The following LAMA2 variants were observed in gnomAD, a reference collection of about 807,000 sequenced individuals.
LAMA2 encodes laminin subunit alpha-2.
LAMA2 carries 269 observed loss-of-function variants against 364.8 expected under a neutral mutation model. The ratio of observed to expected loss-of-function variants is 0.74; its 90% CI spans 0.67 to 0.82. The LOEUF is 0.82. Ranked by LOEUF, LAMA2 falls within the 40% of genes least tolerant of loss-of-function variation. The probability of loss-of-function intolerance (pLI) is 0.00; values close to 1 mark genes in which losing one functional copy is unlikely to be tolerated. For synonymous variants in LAMA2, 1,379 were observed against 1,370.6 expected, an observed-to-expected ratio of 1.01 and a Z score of -0.14; for missense variants, 3,807 against 3,873.2, an observed-to-expected ratio of 0.98 and a Z score of 0.45.
chr6:128,960,753 C>A (rs2114592378), intron 1 of LAMA2, among the ~76,000 whole-genome samples: 1 of 152,240 alleles, frequency 6.6e-6, no homozygotes, highest in East Asian at 1.9e-4. Flanking sequence ...TTAAATATTA[C>A]CATAATTTAA....
At chr6:129,498,623 C>A (rs902297540) in intron 58 of LAMA2, among the ~76,000 whole-genome samples, 2 of 152,084 alleles carry the variant, frequency 1.3e-5, no homozygotes, top group African/African-American at 4.8e-5. Flanking sequence ...TAAAGAAAAT[C>A]ATGACAAATA....
chr6:128,945,116 A>G (rs1349796771), intron 1 of LAMA2, among the ~76,000 whole-genome samples: 3 of 152,234 alleles, frequency 2.0e-5, no homozygotes, highest in Non-Finnish European at 4.4e-5. Context: ...CGTAGACAAG[A>G]TATACCAGTT....
At chr6:129,066,848 T>C (rs957541149) in intron 3 of LAMA2, among the ~76,000 whole-genome samples, 5 of 152,154 alleles carry the variant, frequency 3.3e-5, no homozygotes, top group Non-Finnish European at 7.4e-5. Flanking sequence ...CAGTGAAGGG[T>C]GTTTGGAGCA....
At chr6:129,063,185 T>G (rs939596024) in intron 3 of LAMA2, among the ~76,000 whole-genome samples, 7 of 152,086 alleles carry the variant, frequency 4.6e-5, no homozygotes, top group Admixed American at 2.0e-4. Context: ...ATATAGCAAC[T>G]AAATTCCATC....
rs188122744 is a variant in LAMA2 at position 129,172,970 on chromosome 6, A to G, written c.1307-4736A>G. ...TCCGTCACCCCTTTCTGTGACTCGGAAAGGGAACTCCCTGACCCCTTGCGC... is the reference window on the plus strand; with the variant it reads ...TCCGTCACCCCTTTCTGTGACTCGGGAAGGGAACTCCCTGACCCCTTGCGC... On this transcript the variant is annotated intron_variant, in intron 9 of 64. Transcript: ENST00000421865. Among the ~76,000 whole-genome samples the G allele has an allele frequency of 6.4e-3, 982 of 152,338 alleles. 31 individuals are homozygous for G. Among genetic ancestry groups the G allele is most frequent in the East Asian group, 0.032 (165 of 5,174 alleles).
Position 129,061,049 on chromosome 6 carries a change from C to T in LAMA2, c.396+1153C>T, listed in dbSNP as rs528434252. 3.9e-5 allele frequency among the ~76,000 whole-genome samples: 6 copies of T among 152,304 alleles called. No individual in the cohort carries two copies. The South Asian group carries it at 1.2e-3, about 32-fold the overall frequency. On this transcript the variant is annotated intron_variant, in intron 3 of 64. Coordinates refer to ENST00000421865, the MANE Select transcript of LAMA2 (RefSeq NM_000426.4). ...TTCTCAGGAAGTCTCAGAGCACTAT[C>T]AGAGAATGGCAGGGCAAGCTACCAC...
At chr6:129,373,121 A>G (rs559375987) in intron 34 of LAMA2, among the ~76,000 whole-genome samples, 64 of 152,294 alleles carry the variant, frequency 4.2e-4, no homozygotes, top group Non-Finnish European at 8.5e-4. Flanking sequence ...TTCACAGAGC[A>G]GAAGTTTTTA....
At chr6:129,124,759 A>C (rs2114925158) in intron 4 of LAMA2, among the ~76,000 whole-genome samples, 1 of 152,354 alleles carries the variant, frequency 6.6e-6, no homozygotes, top group South Asian at 2.1e-4. Flanking sequence ...TTATTTATTA[A>C]TAGTATATTC....
intron 15 of LAMA2, among the ~76,000 whole-genome samples, chr6:129,262,838 T>C (rs1295672821): frequency 6.6e-6 from 1 of 152,174 alleles, no homozygotes; most frequent in Non-Finnish European, 1.5e-5. Context: ...CATTAATGTC[T>C]TAATTCCAGC....
Position 129,427,854 on chromosome 6 carries a change from G to A in LAMA2, c.5968G>A (p.Glu1990Lys). The A allele has an allele frequency of 6.3e-7, 1 of 1,589,608 alleles. No homozygotes were observed. Among genetic ancestry groups the A allele is most frequent in the Non-Finnish European group, 8.6e-7 (1 of 1,157,900 alleles). Residue 1990 changes from glutamate to lysine, a missense_variant and splice_region_variant, in exon 41 of 65, where the codon GAA (glutamate) becomes AAA (lysine). Around this residue, in one of 3 missense-constraint regions of LAMA2, gnomAD observed 3,333 missense variants for 3,345.7 expected, o/e 1.00. Coordinates refer to ENST00000421865, the MANE Select transcript of LAMA2 (RefSeq NM_000426.4). ...CAAGAAGTTAGCAAATGATGTAAAA[G>A]GTCAGTGTGGCCATAGTTTTTATTA... ...EAKKLANDVK[E>K]NEDHLNGLKT...
At chr6:129,055,861 A>T (rs1352442300) in intron 2 of LAMA2, among the ~76,000 whole-genome samples, 1 of 152,216 alleles carries the variant, frequency 6.6e-6, no homozygotes, top group Non-Finnish European at 1.5e-5. Flanking sequence ...CCTGTTGAGG[A>T]TGTTATACGT....
chr6:129,212,871 CT>C (rs1783189136), intron 12 of LAMA2, among the ~76,000 whole-genome samples: 1 of 152,132 alleles, frequency 6.6e-6, no homozygotes, highest in African/African-American at 2.4e-5. Context: ...CCAAAATATT[CT>C]CTGCAAGAGA....
chr6:129,306,072 C>G (rs1268487814), intron 22 of LAMA2, among the ~76,000 whole-genome samples: 1 of 151,848 alleles, frequency 6.6e-6, no homozygotes, highest in African/African-American at 2.4e-5. Context: ...ATTTTTACTT[C>G]TATATATTAT....
At chr6:129,403,113 G>A (rs189452724) in intron 39 of LAMA2, among the ~76,000 whole-genome samples, 18 of 152,232 alleles carry the variant, frequency 1.2e-4, no homozygotes, top group South Asian at 6.2e-4. Context: ...TGGGATTGTC[G>A]TAATTTAATA....
chr6:129,185,918 G>C (rs2115027749), intron 10 of LAMA2, among the ~76,000 whole-genome samples: 1 of 151,838 alleles, frequency 6.6e-6, no homozygotes, highest in South Asian at 2.1e-4. Flanking sequence ...TGATATAAGG[G>C]AATGAATATT....
chr6:129,322,374 T>A lies in LAMA2; in HGVS notation c.4176+1719T>A, dbSNP rs189508177. Reference sequence around the variant, plus strand: ...GAAAACTGAGACTGTGTGGCACATATGAAATGAGTGACCTTTCCAGTGAGC... The same window carrying A: ...GAAAACTGAGACTGTGTGGCACATAAGAAATGAGTGACCTTTCCAGTGAGC... On this transcript the variant is annotated intron_variant, in intron 28 of 64. Transcript: ENST00000421865. Among the ~76,000 whole-genome samples the A allele has an allele frequency of 8.9e-4, 136 of 152,320 alleles. 1 individual carries two copies. The highest frequency in any genetic ancestry group is 9.7e-4 in the Non-Finnish European group (66 of 68,012).
chr6:129,052,684 C>T (rs1400889310), intron 2 of LAMA2, among the ~76,000 whole-genome samples: 2 of 152,108 alleles, frequency 1.3e-5, no homozygotes, highest in African/African-American at 4.8e-5. Flanking sequence ...GGTGGTGTAC[C>T]TTTTATGGGT....
Position 128,917,705 on chromosome 6 carries a change from T to TC in LAMA2, c.112+34348_112+34349insC, listed in dbSNP as rs1468873054. Among the ~76,000 whole-genome samples the TC allele has an allele frequency of 2.6e-3, 243 of 92,326 alleles. 2 individuals carry two copies. Among genetic ancestry groups the TC allele is most frequent in the African/African-American group, 9.1e-3 (209 of 22,922 alleles). 60.6% of individuals were successfully genotyped at this position (92,326 alleles called of 152,430 possible). On this transcript the variant is annotated intron_variant, in intron 1 of 64. Coordinates refer to ENST00000421865, the MANE Select transcript of LAMA2 (RefSeq NM_000426.4). The stretch of plus-strand genomic sequence containing the variant: ...CCTATTATCTGTCCTTTTTCTTTTT[T>TC]TTTTCTTTCTTTCTTTCTTTCTTTC...
chr6:129,213,059 C>A (rs886159293), intron 12 of LAMA2, among the ~76,000 whole-genome samples: 1 of 152,136 alleles, frequency 6.6e-6, no homozygotes, highest in Non-Finnish European at 1.5e-5. Flanking sequence ...GTGGGGTTGA[C>A]CATTTTCTTC....
Sources: gnomAD v4.1 joint callset for allele counts (sites outside exome capture counted in the v4.1 genomes callset) on GRCh38, gnomAD v4.1.1 for gene constraint, gnomAD v4.1.1 regional missense constraint, MANE v1.5 for transcripts, NCBI Gene and HGNC (gene_info 2026-07-23, HGNC 2026-07-21) for gene names.